MEIOC: variants seen among roughly 807,000 people sequenced by gnomAD.
MEIOC encodes meiosis-specific coiled-coil domain-containing protein MEIOC.
Under a neutral mutation model 85.3 loss-of-function variants are expected in MEIOC, and 9 were observed. The observed-to-expected ratio is 0.11, with a 90% CI of 0.06 to 0.18. MEIOC has a LOEUF of 0.18. Ranked by LOEUF, MEIOC falls within the 10% of genes least tolerant of loss-of-function variation. The pLI is 1.00. For synonymous variants in MEIOC, 365 were observed against 393.7 expected (o/e 0.93, Z 0.86); for missense variants, 898 against 1,129.4 (o/e 0.80, Z 2.94).
intron 2 of MEIOC, among the ~76,000 whole-genome samples, chr17:44,662,099 C>T (rs1227706631): frequency 6.6e-6 from 1 of 152,150 alleles, no homozygotes; most frequent in Non-Finnish European, 1.5e-5. Flanking sequence ...TTGACAGCAA[C>T]CTTAATGGCC....
chr17:44,668,331 CT>C, intron 5 of MEIOC, 98 bp downstream of exon 5: 1 of 1,121,766 alleles, frequency 8.9e-7, no homozygotes. Context: ...TGCCTTATTT[CT>C]TTTTGCTTTA....
Position 44,667,606 on chromosome 17 carries a change from A to G in MEIOC, c.1695A>G (p.Leu565=), listed in dbSNP as rs755150969. Residue 565 remains leucine, a synonymous_variant, in exon 5 of 8, where the codon CTA becomes CTG. Coordinates refer to ENST00000409122, the MANE Select transcript of MEIOC (RefSeq NM_001145080.3). ...RIQSVNHIEG[L]TKPGEENLFK... The stretch of plus-strand genomic sequence containing the variant: ...AATCTGTCAATCACATAGAAGGACT[A>G]ACAAAGCCTGGAGAAGAAAATCTCT... 1 of 1,613,508 alleles carries G rather than the reference A, an allele frequency of 6.2e-7. No individual in the cohort carries two copies. Among genetic ancestry groups the G allele is most frequent in the African/African-American group, 1.3e-5 (1 of 74,920 alleles).
chr17:44,675,758 T>G lies in MEIOC; in HGVS notation c.*1562T>G. 2.1e-6 allele frequency: 2 copies of G among 963,632 alleles called. No individual in the cohort carries two copies. The highest frequency in any genetic ancestry group is 2.5e-6 in the Non-Finnish European group (2 of 810,152). 59.7% of individuals were successfully genotyped at this position (963,632 alleles called of 1,614,324 possible). ...GATGTTATAAAAACAAATACTGTAC[T>G]GAATTTAGTCTCAGGAAAAAAATAA... On this transcript the variant is annotated 3_prime_UTR_variant, in exon 8 of 8. Transcript: ENST00000409122.
downstream of MEIOC, chr17:44,675,891 C>A: frequency 2.3e-6 from 1 of 435,294 alleles, no homozygotes; most frequent in Non-Finnish European, 3.1e-6. Context: ...AGAACTTATA[C>A]TAAGTTTTAG....
In MEIOC at chr17:44,673,383, C is replaced by A; in HGVS notation, c.2475C>A (p.Gly825=). The A allele has an allele frequency of 6.5e-7, 1 of 1,541,724 alleles. No individual in the cohort carries two copies. The highest frequency in any genetic ancestry group is 8.7e-7 in the Non-Finnish European group (1 of 1,144,130). Residue 825 remains glycine, a synonymous_variant, in exon 7 of 8, where the codon GGC becomes GGA. Coordinates refer to ENST00000409122, the MANE Select transcript of MEIOC (RefSeq NM_001145080.3). The part of the protein sequence containing the change: ...RELARVVTLL[G]KMERLRSSLL... ...TCCCTCAGGTTGTGACTTTACTAGG[C>A]AAAATGGAACGTCTTCGGAGTTCTC...
chr17:44,658,445 G>A (rs182790644), intron 2 of MEIOC, among the ~76,000 whole-genome samples: 91 of 150,236 alleles, frequency 6.1e-4, no homozygotes, highest in African/African-American at 2.0e-3. Flanking sequence ...GTGAGCCACC[G>A]CGCCCGGCTA....
chr17:44,663,590 C>T (rs1464286971), intron 3 of MEIOC, among the ~76,000 whole-genome samples: 2 of 152,080 alleles, frequency 1.3e-5, no homozygotes, highest in African/African-American at 2.4e-5. Flanking sequence ...CCTATTCTCG[C>T]TTTTGGCTAA....
In MEIOC at chr17:44,674,469, A is replaced by G; in HGVS notation, c.*273A>G. 1 of 1,149,012 alleles carries G rather than the reference A, an allele frequency of 8.7e-7. No individual in the cohort carries two copies. Among genetic ancestry groups the G allele is most frequent in the South Asian group, 3.1e-5 (1 of 32,674 alleles). 71.2% of individuals were successfully genotyped at this position (1,149,012 alleles called of 1,614,324 possible). A position where few individuals can be genotyped will look rare whatever the true frequency, so the allele number is the denominator to read the frequency against. On this transcript the variant is annotated 3_prime_UTR_variant, in exon 8 of 8. Coordinates refer to ENST00000409122, the MANE Select transcript of MEIOC (RefSeq NM_001145080.3). ...AAATTAAATATTTCCTAACAGCTAAAATGTGCTTAAACTCATTCTGCCATG... is the reference window on the plus strand; with the variant it reads ...AAATTAAATATTTCCTAACAGCTAAGATGTGCTTAAACTCATTCTGCCATG...
At position 44,667,933 on chromosome 17, in the gene MEIOC, A is replaced by G; in HGVS notation, c.2022A>G (p.Leu674=). Residue 674 remains leucine (L), a synonymous_variant, in exon 5 of 8, where the codon TTA becomes TTG. Transcript: ENST00000409122. ...CFSNNYMMGD[L]RHNQCFQQLG... is the part of the protein sequence containing the mutation. ...CTAATAATTATATGATGGGAGATTT[A>G]AGGCATAATCAGTGTTTTCAACAAC... 6.2e-7 allele frequency: 1 copy of G among 1,613,906 alleles called. No individual in the cohort carries two copies. The highest frequency in any genetic ancestry group is 8.5e-7 in the Non-Finnish European group (1 of 1,179,824).
rs757433071 is a variant in MEIOC at position 44,667,320 on chromosome 17, G to T, written c.1409G>T (p.Gly470Val). ...LLSNSATSSG[G>V]INLNRPTWMN... ...TCAAACTCAGCAACATCTTCAGGAG[G>T]TATCAATTTAAACAGACCAACTTGG... The change falls in exon 5 of 8, where the codon GGT becomes GTT. Residue 470 changes from glycine (G) to valine (V), a missense_variant. Gly to Val is a moderately radical substitution (Grantham distance 109). Transcript: ENST00000409122. 1.2e-6 allele frequency: 2 copies of T among 1,613,628 alleles called. No homozygotes were observed. Among genetic ancestry groups the T allele is most frequent in the Non-Finnish European group, 1.7e-6 (2 of 1,179,818 alleles).
Position 44,675,686 on chromosome 17 carries a change from C to T in MEIOC, c.*1490C>T, listed in dbSNP as rs1972066545. ...AGTCAAATAAAATAGATCATCTCAC[C>T]ACAGTCACTGCATAGAAAGTGGTTA... On this transcript the variant is annotated 3_prime_UTR_variant, in exon 8 of 8. Coordinates refer to ENST00000409122, the MANE Select transcript of MEIOC (RefSeq NM_001145080.3). 2.0e-6 allele frequency: 2 copies of T among 984,854 alleles called. No individual in the cohort carries two copies. The highest frequency in any genetic ancestry group is 6.2e-5 in the Admixed American group (1 of 16,250). The allele number at this position is 984,854 out of a possible 1,614,324, so 61.0% of individuals were successfully genotyped here.
At position 44,674,844 on chromosome 17, in the gene MEIOC, G is replaced by T; in HGVS notation, c.*648G>T. On this transcript the variant is annotated 3_prime_UTR_variant, in exon 8 of 8. Coordinates refer to ENST00000409122, the MANE Select transcript of MEIOC (RefSeq NM_001145080.3). ...ATAAAAGTGTCAGTGTAAAAACCAT[G>T]CAAGTTACTGAATATAAAACCTATT... The T allele has an allele frequency of 1.0e-6, 1 of 983,322 alleles. No individual in the cohort carries two copies. The highest frequency in any genetic ancestry group is 1.2e-6 in the Non-Finnish European group (1 of 828,046). 60.9% of individuals were successfully genotyped at this position (983,322 alleles called of 1,614,324 possible). A position where few individuals can be genotyped will look rare whatever the true frequency, so the allele number is the denominator to read the frequency against.
intron 5 of MEIOC, 145 bp from the exon 6 acceptor site, chr17:44,669,238 G>C: frequency 1.5e-6 from 1 of 656,840 alleles, no homozygotes; most frequent in South Asian, 2.2e-5. Flanking sequence ...TGGTATTGTG[G>C]TTTACATTTG....
chr17:44,675,253 T>C lies in MEIOC; in HGVS notation c.*1057T>C, dbSNP rs1410710076. 1.0e-6 allele frequency: 1 copy of C among 984,616 alleles called. No individual in the cohort carries two copies. The highest frequency in any genetic ancestry group is 1.7e-5 in the African/African-American group (1 of 57,232). 61.0% of individuals were successfully genotyped at this position (984,616 alleles called of 1,614,324 possible). A position where few individuals can be genotyped will look rare whatever the true frequency, so the allele number is the denominator to read the frequency against. ...ATTTTGCGTAGTTGTGTTCATTAGTTTGCTTCTGTATTTTTTTAAAACTAT... is the reference window on the plus strand; with the variant it reads ...ATTTTGCGTAGTTGTGTTCATTAGTCTGCTTCTGTATTTTTTTAAAACTAT... On this transcript the variant is annotated 3_prime_UTR_variant, in exon 8 of 8. Coordinates refer to ENST00000409122, the MANE Select transcript of MEIOC (RefSeq NM_001145080.3).
chr17:44,671,689 A>G (rs973876480), intron 6 of MEIOC, among the ~76,000 whole-genome samples: 4 of 152,018 alleles, frequency 2.6e-5, no homozygotes, highest in African/African-American at 7.2e-5. Flanking sequence ...GGCGGATCAC[A>G]AGGTCAGGAG....
intron 1 of MEIOC, 92 bp from the exon 2 acceptor site, chr17:44,657,035 A>C: frequency 7.0e-7 from 1 of 1,424,124 alleles, no homozygotes; most frequent in Admixed American, 2.2e-5. Flanking sequence ...AATTGAGCCG[A>C]ACAGCCGAGG....
At chr17:44,670,151 T>C (rs1041518688) in intron 6 of MEIOC, 4 of 150,650 alleles carry the variant, frequency 2.7e-5, no homozygotes, top group African/African-American at 9.8e-5. Context: ...ATGCTTATGC[T>C]ACTCAGGAGG....
At chr17:44,673,768 A>T in intron 7 of MEIOC, 1 of 718,356 alleles carries the variant, frequency 1.4e-6, no homozygotes, top group Non-Finnish European at 2.2e-6. Flanking sequence ...CTCAAACTAT[A>T]GTCACTATTG....
At position 44,673,386 on chromosome 17, in the gene MEIOC, A is replaced by T. The variant is rs1972036565; in HGVS notation, c.2478A>T (p.Lys826Asn). 1 of 1,543,448 alleles carries T rather than the reference A, an allele frequency of 6.5e-7. No homozygotes were observed. The highest frequency in any genetic ancestry group is 8.7e-7 in the Non-Finnish European group (1 of 1,144,754). The change falls in exon 7 of 8, where the codon AAA becomes AAT. Residue 826 changes from lysine to asparagine, a missense_variant. Around this residue, in one of 2 missense-constraint regions of MEIOC, gnomAD observed 164 missense variants for 269.2 expected, o/e 0.61. Coordinates refer to ENST00000409122, the MANE Select transcript of MEIOC (RefSeq NM_001145080.3). The stretch of plus-strand genomic sequence containing the variant: ...CTCAGGTTGTGACTTTACTAGGCAA[A>T]ATGGAACGTCTTCGGAGTTCTCTTC... ...ELARVVTLLG[K>N]MERLRSSLLH...
Sources: allele counts gnomAD v4.1 joint callset (sites outside exome capture counted in the v4.1 genomes callset), GRCh38; gene constraint gnomAD v4.1.1; regional missense constraint gnomAD v4.1.1; transcripts MANE v1.5; gene names NCBI Gene and HGNC (gene_info 2026-07-23, HGNC 2026-07-21).